Variants in PDGFRL observed in about 807,000 individuals in gnomAD.
The protein encoded by PDGFRL is platelet derived growth factor receptor like.
PDGFRL carries 46 observed loss-of-function variants against 37.2 expected under a neutral mutation model. The observed-to-expected ratio is 1.24, with a 90% CI of 0.98 to 1.58. The LOEUF is 1.58. Ranked by LOEUF, PDGFRL falls within the 40% of genes most tolerant of loss-of-function variation. PDGFRL has a pLI of 0.00. For missense variants in PDGFRL, 692 were observed against 467.6 expected, an observed-to-expected ratio of 1.48 and a Z score of -4.43; for synonymous variants, 251 against 184.3, an observed-to-expected ratio of 1.36 and a Z score of -2.93.
intron 1 of PDGFRL, among the ~76,000 whole-genome samples, chr8:17,588,549 T>C (rs1424441411): frequency 1.3e-5 from 2 of 152,008 alleles, no homozygotes; most frequent in Non-Finnish European, 2.9e-5. Context: ...CTCACATATG[T>C]GTAGGCCTAG....
chr8:17,623,038 G>T (rs995335158), intron 3 of PDGFRL, among the ~76,000 whole-genome samples: 2 of 152,162 alleles, frequency 1.3e-5, no homozygotes, highest in Non-Finnish European at 1.5e-5. Context: ...AGAGTTCTCT[G>T]CCTCCTGCCT....
At chr8:17,600,767 G>A (rs188767646) in intron 2 of PDGFRL, among the ~76,000 whole-genome samples, 2 of 150,044 alleles carry the variant, frequency 1.3e-5, no homozygotes, top group East Asian at 2.0e-4. Flanking sequence ...CTGTGACTGT[G>A]CTCCAGCCTG....
At chr8:17,637,547 C>T (rs966132122) in intron 5 of PDGFRL, among the ~76,000 whole-genome samples, 36 of 152,006 alleles carry the variant, frequency 2.4e-4, no homozygotes, top group African/African-American at 8.2e-4. Context: ...TTGTTATGTC[C>T]TTTCCTGGTT....
intron 2 of PDGFRL, among the ~76,000 whole-genome samples, chr8:17,616,696 C>T (rs568335120): frequency 2.0e-5 from 3 of 152,260 alleles, no homozygotes; most frequent in South Asian, 4.1e-4. Flanking sequence ...GCTGGTTACT[C>T]TCCTCGGAGT....
intron 1 of PDGFRL, among the ~76,000 whole-genome samples, chr8:17,583,263 C>T (rs1016690216): frequency 3.9e-5 from 6 of 152,140 alleles, no homozygotes; most frequent in Middle Eastern, 3.2e-3. Flanking sequence ...GAACAGGGCT[C>T]ATGTGGGGAT....
chr8:17,579,682 G>T (rs2150805907), intron 1 of PDGFRL, among the ~76,000 whole-genome samples: 1 of 152,018 alleles, frequency 6.6e-6, no homozygotes, highest in South Asian at 2.1e-4. Flanking sequence ...ACTAGCCAAA[G>T]ACAGCCTTCT....
At chr8:17,611,488 C>T (rs776831955) in intron 2 of PDGFRL, among the ~76,000 whole-genome samples, 88 of 152,140 alleles carry the variant, frequency 5.8e-4, no homozygotes, top group Non-Finnish European at 9.1e-4. Context: ...CATGGTCGGC[C>T]TCCTTGGGAA....
intron 2 of PDGFRL, among the ~76,000 whole-genome samples, chr8:17,609,185 G>A (rs1804350947): frequency 1.3e-5 from 2 of 152,086 alleles, no homozygotes. Context: ...CTGGGTGACA[G>A]AGCAAGACTG....
At chr8:17,587,361 G>C (rs1195238627) in intron 1 of PDGFRL, among the ~76,000 whole-genome samples, 1 of 152,146 alleles carries the variant, frequency 6.6e-6, no homozygotes, top group Non-Finnish European at 1.5e-5. Flanking sequence ...AAGTAGCTCT[G>C]TTTGTCTAAA....
In PDGFRL at chr8:17,587,373, T is replaced by G. The variant is rs566618326; in HGVS notation, c.56-2095T>G. 1.1e-4 allele frequency among the ~76,000 whole-genome samples: 16 copies of G among 152,300 alleles called. No homozygotes were observed. The South Asian group carries it at 3.3e-3, about 32-fold the overall frequency. Reference sequence around the variant, plus strand: ...GACAAGTAGCTCTGTTTGTCTAAATTCCATAGGATTTACAGATGGTTATTG... The same window carrying G: ...GACAAGTAGCTCTGTTTGTCTAAATGCCATAGGATTTACAGATGGTTATTG... On this transcript the variant is annotated intron_variant, in intron 1 of 5. Transcript: ENST00000251630.
chr8:17,591,968 A>G (rs1803949987), intron 2 of PDGFRL, among the ~76,000 whole-genome samples: 1 of 152,130 alleles, frequency 6.6e-6, no homozygotes, highest in Non-Finnish European at 1.5e-5. Context: ...CAGACTCTGC[A>G]TGTTCACAAC....
intron 2 of PDGFRL, among the ~76,000 whole-genome samples, chr8:17,614,625 C>A (rs566973779): frequency 3.3e-5 from 5 of 152,318 alleles, no homozygotes; most frequent in Admixed American, 3.3e-4. Context: ...GTTGCCCAGG[C>A]TGGAGTGTAG....
chr8:17,608,036 A>G (rs545186638), intron 2 of PDGFRL, among the ~76,000 whole-genome samples: 1 of 152,258 alleles, frequency 6.6e-6, no homozygotes, highest in South Asian at 2.1e-4. Flanking sequence ...TCCGCCCAGA[A>G]CCTTCTCTTG....
chr8:17,604,504 A>G (rs1804231150), intron 2 of PDGFRL, among the ~76,000 whole-genome samples: 1 of 151,908 alleles, frequency 6.6e-6, no homozygotes, highest in Non-Finnish European at 1.5e-5. Context: ...CAAACACTGC[A>G]TGTTCTCACT....
At chr8:17,624,272 T>C (rs1236295152) in intron 3 of PDGFRL, among the ~76,000 whole-genome samples, 1 of 152,218 alleles carries the variant, frequency 6.6e-6, no homozygotes, top group Non-Finnish European at 1.5e-5. Flanking sequence ...TTTGTATGTT[T>C]CCTAGAGTTT....
At chr8:17,623,889 G>T (rs1804683281) in intron 3 of PDGFRL, among the ~76,000 whole-genome samples, 1 of 131,672 alleles carries the variant, frequency 7.6e-6, no homozygotes. Flanking sequence ...AAAAAAATAC[G>T]GGCTCTCTTT....
At position 17,606,755 on chromosome 8, in the gene PDGFRL, T is replaced by C. The variant is rs530379856; in HGVS notation, c.354-14296T>C. ...GAGGCTCATTGTGCTGTTCTCAGGA[T>C]AGAATGAGGTCATGCGTGTAAACCT... On this transcript the variant is annotated intron_variant, in intron 2 of 5. Transcript: ENST00000251630. Among the ~76,000 whole-genome samples the C allele has an allele frequency of 2.0e-5, 3 of 152,184 alleles. 1 individual carries two copies. In the South Asian group the frequency reaches 6.2e-4, roughly 32 times the overall value.
At chr8:17,590,236 C>CAAAAAAAAAAAGAAAAAAAAAAAAAAA (rs1803906967) in intron 2 of PDGFRL, among the ~76,000 whole-genome samples, 1 of 35,606 alleles carries the variant, frequency 2.8e-5, no homozygotes, top group Non-Finnish European at 6.3e-5. Context: ...GACTCCATCT[C>CAAAAAAAAAAAGAAAAAAAAAAAAAAA]AAAAAAAAAA....
chr8:17,635,325 T>A (rs1014446472), intron 5 of PDGFRL, among the ~76,000 whole-genome samples: 2 of 151,918 alleles, frequency 1.3e-5, no homozygotes, highest in African/African-American at 2.4e-5. Context: ...AAGTTCATTG[T>A]GTCATTCTTA....
Sources: gnomAD v4.1 joint callset for allele counts (sites outside exome capture counted in the v4.1 genomes callset) on GRCh38, gnomAD v4.1.1 for gene constraint, MANE v1.5 for transcripts, NCBI Gene and HGNC (gene_info 2026-07-23, HGNC 2026-07-21) for gene names.